FAM153A: variants seen among roughly 807,000 people sequenced by gnomAD.
FAM153A encodes family with sequence similarity 153 member A.
A neutral mutation model predicts 48.1 loss-of-function variants in FAM153A; 12 were observed. The observed-to-expected ratio is 0.25, with a 90% confidence interval of 0.16 to 0.40. The LOEUF (loss-of-function observed/expected upper bound fraction) is 0.40, where lower values mean the gene tolerates loss of function less well. Among genes scored for constraint, FAM153A ranks in the 10% least tolerant of loss-of-function variants. FAM153A has a pLI of 1.00. For missense variants in FAM153A, 111 were observed against 345.8 expected (o/e 0.32, Z 5.38); for synonymous variants, 36 against 118.2 (o/e 0.30, Z 4.51).
chr5:177,746,395 G>A (rs1701807248), intron 4 of FAM153A, among the ~76,000 whole-genome samples: 1 of 147,164 alleles, frequency 6.8e-6, no homozygotes, highest in South Asian at 2.2e-4. Flanking sequence ...CTGACCTTAG[G>A]TAATCCACCC....
intron 25 of FAM153A, among the ~76,000 whole-genome samples, chr5:177,716,001 T>C (rs75083074): frequency 4.0e-5 from 6 of 151,038 alleles, no homozygotes; most frequent in Non-Finnish European, 8.8e-5. Flanking sequence ...TTTTTTTTTT[T>C]TCAGATGGAG....
chr5:177,699,363 A>T, the FAM153A span, among the ~76,000 whole-genome samples: 1 of 151,520 alleles, frequency 6.6e-6, no homozygotes, highest in Non-Finnish European at 1.5e-5. Flanking sequence ...AATGAAATAG[A>T]GGTAGAAAAA....
At chr5:177,698,588 ATAGT>A in the FAM153A span, among the ~76,000 whole-genome samples, 22 of 152,074 alleles carry the variant, frequency 1.4e-4, no homozygotes, top group East Asian at 1.7e-3. Context: ...GTAAGTTTAA[ATAGT>A]TAAATACTAA....
At chr5:177,709,360 A>ATT (rs70994932), downstream of FAM153A, among the ~76,000 whole-genome samples, 45,186 of 124,096 alleles carry the variant, frequency 0.36, 8,603 homozygotes, top group Non-Finnish European at 0.42. Context: ...TGTAATTAGG[A>ATT]TTTTTTTTTT....
chr5:177,717,539 G>A (rs1760121108), downstream of FAM153A, among the ~76,000 whole-genome samples: 1 of 151,052 alleles, frequency 6.6e-6, no homozygotes, highest in Non-Finnish European at 1.5e-5. Flanking sequence ...GTGCTTTGAT[G>A]TCTCATCCCA....
chr5:177,711,412 T>C (rs1758454702), exon 27 of FAM153A: 2 of 151,950 alleles, frequency 1.3e-5, no homozygotes, highest in Admixed American at 6.6e-5. Context: ...TTTTCAAATA[T>C]ACAAGGATAG....
the FAM153A span, among the ~76,000 whole-genome samples, chr5:177,695,788 C>T: frequency 1.6e-4 from 24 of 151,730 alleles, no homozygotes; most frequent in Non-Finnish European, 3.2e-4. Flanking sequence ...CTGTTGGGTA[C>T]ACCTCCCAGA....
At chr5:177,696,744 A>G in the FAM153A span, among the ~76,000 whole-genome samples, 1 of 151,196 alleles carries the variant, frequency 6.6e-6, no homozygotes, top group Non-Finnish European at 1.5e-5. Flanking sequence ...ATAGCTCACT[A>G]CAGCCTTGAA....
At chr5:177,696,367 C>A in the FAM153A span, among the ~76,000 whole-genome samples, 1 of 149,322 alleles carries the variant, frequency 6.7e-6, no homozygotes, top group South Asian at 2.1e-4. Context: ...CTCCTCAATT[C>A]CCAGGTGGGG....
the FAM153A span, among the ~76,000 whole-genome samples, chr5:177,695,004 A>G: frequency 6.6e-6 from 1 of 150,504 alleles, no homozygotes; most frequent in Non-Finnish European, 1.5e-5. Flanking sequence ...GCTAACTGCA[A>G]TCTCCACCTC....
downstream of FAM153A, among the ~76,000 whole-genome samples, chr5:177,710,254 A>G (rs931058364): frequency 4.0e-5 from 6 of 151,402 alleles, no homozygotes; most frequent in Non-Finnish European, 8.8e-5. Flanking sequence ...CTGGGACTAC[A>G]GGCATGTGTC....
intron 4 of FAM153A, among the ~76,000 whole-genome samples, chr5:177,745,721 TC>T (rs1187514527): frequency 5.5e-5 from 8 of 146,750 alleles, no homozygotes; most frequent in African/African-American, 2.0e-4. Flanking sequence ...GGGATTGGTT[TC>T]CACTGAATTT....
intron 1 of FAM153A, among the ~76,000 whole-genome samples, chr5:177,759,515 G>A (rs865859195): frequency 5.3e-5 from 8 of 151,652 alleles, no homozygotes; most frequent in Admixed American, 6.6e-5. Flanking sequence ...ACATGCACAC[G>A]TATGTTTATT....
chr5:177,709,093 CAAAAAAAAAAAAAAAA>C (rs56257501), downstream of FAM153A, among the ~76,000 whole-genome samples: 64 of 34,116 alleles, frequency 1.9e-3, no homozygotes, highest in African/African-American at 5.0e-3. Flanking sequence ...GACTCCGTCT[CAAAAAAAAAAAAAAAA>C]AAAAAAAAAA....
chr5:177,760,937 T>C (rs963637950), intron 1 of FAM153A, among the ~76,000 whole-genome samples: 3 of 150,248 alleles, frequency 2.0e-5, no homozygotes, highest in Non-Finnish European at 4.4e-5. Flanking sequence ...AAAACAAACA[T>C]TTCAATTTGC....
chr5:177,698,325 G>A, the FAM153A span, among the ~76,000 whole-genome samples: 36 of 152,038 alleles, frequency 2.4e-4, 1 homozygote, highest in African/African-American at 8.2e-4. Flanking sequence ...AAACAGTATA[G>A]TTTTCTTCAT....
intron 1 of FAM153A, among the ~76,000 whole-genome samples, chr5:177,761,008 G>A (rs1029167566): frequency 1.4e-4 from 21 of 151,902 alleles, no homozygotes; most frequent in Admixed American, 1.2e-3. Context: ...ATTGGTCCTT[G>A]TTGATGTCTG....
upstream of FAM153A, chr5:177,782,683 T>C (rs1321165777): frequency 2.1e-5 from 2 of 93,642 alleles, no homozygotes; most frequent in African/African-American, 8.4e-5. Context: ...CAATCCGTGA[T>C]CCAACCCCCA....
chr5:177,697,151 T>C, the FAM153A span, among the ~76,000 whole-genome samples: 1 of 151,262 alleles, frequency 6.6e-6, no homozygotes, highest in Non-Finnish European at 1.5e-5. Flanking sequence ...AGTTTTATTG[T>C]ATCAAAGAAG....
Sources: allele counts gnomAD v4.1 joint callset (sites outside exome capture counted in the v4.1 genomes callset), GRCh38; gene constraint gnomAD v4.1.1; transcripts MANE v1.5; gene names NCBI Gene and HGNC (gene_info 2026-07-23, HGNC 2026-07-21).